The following MACROD2 variants were observed in gnomAD, a reference collection of about 807,000 sequenced individuals.
MACROD2 encodes ADP-ribose glycohydrolase MACROD2.
In MACROD2, 36 loss-of-function variants were observed where a neutral mutation model predicts 70.4. The ratio of observed to expected loss-of-function variants is 0.51; its 90% CI spans 0.39 to 0.68. The LOEUF is 0.68. Among genes scored for constraint, MACROD2 ranks in the 30% least tolerant of loss-of-function variants. MACROD2 has a pLI of 0.00. For synonymous variants in MACROD2, 172 were observed against 178.8 expected (o/e 0.96, Z 0.30); for missense variants, 496 against 538.4 (o/e 0.92, Z 0.78).
chr20:14,453,505 C>A (rs913055404), intron 3 of MACROD2, among the ~76,000 whole-genome samples: 2 of 152,098 alleles, frequency 1.3e-5, no homozygotes, highest in African/African-American at 4.8e-5. Flanking sequence ...GCATTCCTAA[C>A]CTCGTGAAAC....
At chr20:14,672,198 C>G (rs765742196) in intron 4 of MACROD2, among the ~76,000 whole-genome samples, 77 of 152,144 alleles carry the variant, frequency 5.1e-4, no homozygotes, top group Non-Finnish European at 7.2e-4. Flanking sequence ...TCTGGCCTCA[C>G]TCATATGTCT....
chr20:14,609,853 T>A lies in MACROD2; in HGVS notation c.302-74990T>A, dbSNP rs535748891. On this transcript the variant is annotated intron_variant, in intron 4 of 17. Coordinates refer to ENST00000684519, the MANE Select transcript of MACROD2 (RefSeq NM_001351661.2). ...CAGAATGAAGCTCCATTTTCTACAATGGAGAGAAAATCCCAAGAATCAGTA... is the reference window on the plus strand; with the variant it reads ...CAGAATGAAGCTCCATTTTCTACAAAGGAGAGAAAATCCCAAGAATCAGTA... 9.9e-5 allele frequency among the ~76,000 whole-genome samples: 15 copies of A among 152,218 alleles called. No homozygotes were observed. The East Asian group carries it at 2.9e-3, about 29-fold the overall frequency.
At chr20:15,800,189 G>A (rs2063711468) in intron 8 of MACROD2, among the ~76,000 whole-genome samples, 1 of 152,084 alleles carries the variant, frequency 6.6e-6, no homozygotes, top group Non-Finnish European at 1.5e-5. Context: ...CTGGGTATTA[G>A]CAGCTTGTTG....
intron 5 of MACROD2, among the ~76,000 whole-genome samples, chr20:14,934,321 G>C (rs2074321707): frequency 1.3e-5 from 2 of 152,134 alleles, no homozygotes; most frequent in Non-Finnish European, 2.9e-5. Flanking sequence ...ACAGAAGAAG[G>C]CCACATTCTC....
At chr20:14,378,186 A>G (rs1337231995) in intron 3 of MACROD2, among the ~76,000 whole-genome samples, 3 of 152,182 alleles carry the variant, frequency 2.0e-5, no homozygotes, top group Non-Finnish European at 4.4e-5. Flanking sequence ...ACAAGTTTCC[A>G]AGCCCTGCAA....
chr20:14,341,713 CT>C (rs894515301), intron 3 of MACROD2, among the ~76,000 whole-genome samples: 9 of 152,194 alleles, frequency 5.9e-5, no homozygotes, highest in African/African-American at 2.2e-4. Flanking sequence ...AGTTAAGATA[CT>C]TTTGGTTGCA....
At chr20:14,337,235 A>G (rs2082954712) in intron 3 of MACROD2, among the ~76,000 whole-genome samples, 1 of 152,192 alleles carries the variant, frequency 6.6e-6, no homozygotes, top group Non-Finnish European at 1.5e-5. Flanking sequence ...TTCAGCCATG[A>G]TAGTGAAATT....
intron 3 of MACROD2, among the ~76,000 whole-genome samples, chr20:14,452,737 C>T (rs925761580): frequency 6.6e-6 from 1 of 152,126 alleles, no homozygotes; most frequent in African/African-American, 2.4e-5. Context: ...TATTGTGAAT[C>T]CTTTGGTAAA....
chr20:14,718,502 T>C (rs998238542), intron 5 of MACROD2, among the ~76,000 whole-genome samples: 7 of 151,954 alleles, frequency 4.6e-5, no homozygotes, highest in Admixed American at 1.3e-4. Context: ...AACACTCATA[T>C]ACAGTGTGTT....
intron 3 of MACROD2, among the ~76,000 whole-genome samples, chr20:14,440,589 G>C (rs2084109914): frequency 6.6e-6 from 1 of 152,170 alleles, no homozygotes; most frequent in Non-Finnish European, 1.5e-5. Context: ...TAAAGTGCCT[G>C]ATCTTCTATA....
At chr20:14,749,812 G>A (rs2071846559) in intron 5 of MACROD2, among the ~76,000 whole-genome samples, 1 of 152,096 alleles carries the variant, frequency 6.6e-6, no homozygotes, top group African/African-American at 2.4e-5. Flanking sequence ...AATAGAAAGT[G>A]GTACCTTGGG....
intron 5 of MACROD2, among the ~76,000 whole-genome samples, chr20:15,218,095 T>A (rs1239643266): frequency 6.6e-6 from 1 of 152,228 alleles, no homozygotes; most frequent in Non-Finnish European, 1.5e-5. Flanking sequence ...TTGTCCTTTT[T>A]TCTTTTACTC....
chr20:14,210,317 T>C (rs1402557811), intron 3 of MACROD2, among the ~76,000 whole-genome samples: 3 of 152,202 alleles, frequency 2.0e-5, no homozygotes, highest in African/African-American at 7.2e-5. Flanking sequence ...GCTGGGGTAA[T>C]GTCAGAGGTA....
At chr20:15,899,457 G>A (rs188988759) in intron 10 of MACROD2, among the ~76,000 whole-genome samples, 3 of 152,188 alleles carry the variant, frequency 2.0e-5, no homozygotes, top group Non-Finnish European at 4.4e-5. Context: ...GTTTAATATT[G>A]CACTTTCTAA....
chr20:15,272,552 C>T (rs1809961471), intron 6 of MACROD2, among the ~76,000 whole-genome samples: 1 of 152,134 alleles, frequency 6.6e-6, no homozygotes, highest in Non-Finnish European at 1.5e-5. Flanking sequence ...ACTTGTGAAG[C>T]ACTTAACACA....
intron 6 of MACROD2, among the ~76,000 whole-genome samples, chr20:15,239,375 A>AT (rs1256223560): frequency 1.3e-5 from 2 of 151,852 alleles, no homozygotes; most frequent in Non-Finnish European, 1.5e-5. Context: ...TGCAAAGAGG[A>AT]TTTTTTTTAA....
chr20:15,771,515 A>G (rs543998189), intron 8 of MACROD2, among the ~76,000 whole-genome samples: 16 of 152,034 alleles, frequency 1.1e-4, no homozygotes, highest in African/African-American at 3.9e-4. Context: ...GGAGATAGAA[A>G]GTCACAGTCT....
chr20:15,362,698 G>A (rs2078366905), intron 6 of MACROD2, among the ~76,000 whole-genome samples: 1 of 151,978 alleles, frequency 6.6e-6, no homozygotes, highest in Admixed American at 6.6e-5. Flanking sequence ...CAAATAAATT[G>A]TTGAATGTAT....
chr20:15,467,094 G>C, intron 7 of MACROD2, among the ~76,000 whole-genome samples: 1 of 152,164 alleles, frequency 6.6e-6, no homozygotes, highest in East Asian at 1.9e-4. Context: ...GCTCTATGAA[G>C]GCATTCTCTG....
Sources: allele counts gnomAD v4.1 joint callset (sites outside exome capture counted in the v4.1 genomes callset), GRCh38; gene constraint gnomAD v4.1.1; transcripts MANE v1.5; gene names NCBI Gene and HGNC (gene_info 2026-07-23, HGNC 2026-07-21).